Variants in LYPD6B observed in about 807,000 individuals in gnomAD.
LYPD6B encodes the protein LY6/PLAUR domain containing 6B, also known as ly6/PLAUR domain-containing protein 6B.
A neutral mutation model predicts 22.8 loss-of-function variants in LYPD6B; 17 were observed. The observed-to-expected ratio is 0.75, with a 90% CI of 0.51 to 1.12. The LOEUF is 1.12. Among genes scored for constraint, LYPD6B ranks in the 50% most tolerant of loss-of-function variants. The pLI, the probability that LYPD6B is intolerant of heterozygous loss-of-function variation, is 0.00. For synonymous variants in LYPD6B, 106 were observed against 91.6 expected, an observed-to-expected ratio of 1.16 and a Z score of -0.90; for missense variants, 221 against 258.3, an observed-to-expected ratio of 0.86 and a Z score of 0.99.
intron 2 of LYPD6B, chr2:149,160,449 A>T (rs1416466715): frequency 2.0e-6 from 1 of 489,454 alleles, no homozygotes. Context: ...GCTCTTTGGT[A>T]AGCAGCCATT....
Position 149,130,969 on chromosome 2 carries a change from A to C in LYPD6B, c.5+16A>C, listed in dbSNP as rs1376660480. 5 of 1,583,548 alleles carry C rather than the reference A, an allele frequency of 3.2e-6. No homozygotes were observed. The highest frequency in any genetic ancestry group is 4.3e-6 in the Non-Finnish European group (5 of 1,152,444). ...CATGGATGTTGTGAGTATTATATTC[A>C]CAAGTGGATGTAGAGAAGATATTTT... On this transcript the variant is annotated intron_variant, in intron 2 of 6. Transcript: ENST00000409642.
intron 1 of LYPD6B, among the ~76,000 whole-genome samples, chr2:149,060,827 A>T (rs1232416676): frequency 6.6e-6 from 1 of 152,134 alleles, no homozygotes; most frequent in Non-Finnish European, 1.5e-5. Flanking sequence ...GGTCAACATT[A>T]TGGGGCACAG....
intron 1 of LYPD6B, among the ~76,000 whole-genome samples, chr2:149,091,444 G>A (rs1248597585): frequency 6.6e-6 from 1 of 151,756 alleles, no homozygotes; most frequent in Non-Finnish European, 1.5e-5. Context: ...AGAGCCTTCA[G>A]ATCTTGCTCT....
intron 3 of LYPD6B, among the ~76,000 whole-genome samples, chr2:149,196,133 T>C (rs569592827): frequency 1.3e-5 from 2 of 152,364 alleles, no homozygotes; most frequent in Admixed American, 6.5e-5. Context: ...ATTATGCACA[T>C]ATATATCTTT....
intron 1 of LYPD6B, among the ~76,000 whole-genome samples, chr2:149,080,266 G>T (rs1230587786): frequency 2.0e-5 from 3 of 152,188 alleles, no homozygotes; most frequent in Non-Finnish European, 2.9e-5. Flanking sequence ...CTCCCTGTGT[G>T]TGTGTCTGTG....
At chr2:149,162,057 C>T (rs931974727) in intron 3 of LYPD6B, among the ~76,000 whole-genome samples, 4 of 152,224 alleles carry the variant, frequency 2.6e-5, no homozygotes, top group East Asian at 3.9e-4. Context: ...AGAGGAATGA[C>T]GGTCTAGTCA....
chr2:149,109,689 T>C (rs1428076164), intron 1 of LYPD6B, among the ~76,000 whole-genome samples: 3 of 152,114 alleles, frequency 2.0e-5, no homozygotes, highest in African/African-American at 7.2e-5. Flanking sequence ...AGTTCACTTA[T>C]GTTCCCTTTA....
intron 1 of LYPD6B, among the ~76,000 whole-genome samples, chr2:149,126,991 C>A (rs1405507660): frequency 1.4e-5 from 2 of 147,380 alleles, no homozygotes; most frequent in African/African-American, 5.0e-5. Flanking sequence ...CTATATAAAT[C>A]TGTGGTTTAA....
intron 2 of LYPD6B, among the ~76,000 whole-genome samples, chr2:149,158,969 A>T (rs1440076935): frequency 1.3e-5 from 2 of 152,206 alleles, no homozygotes; most frequent in African/African-American, 2.4e-5. Flanking sequence ...CATTTATGGG[A>T]AATAACTCAA....
chr2:149,162,514 T>G (rs146128874), intron 3 of LYPD6B, among the ~76,000 whole-genome samples: 1 of 152,292 alleles, frequency 6.6e-6, no homozygotes, highest in African/African-American at 2.4e-5. Flanking sequence ...CACCCCTGCT[T>G]GCATTCCCTT....
intron 1 of LYPD6B, among the ~76,000 whole-genome samples, chr2:149,081,625 T>G (rs902665547): frequency 1.3e-5 from 2 of 152,016 alleles, no homozygotes; most frequent in African/African-American, 2.4e-5. Flanking sequence ...GTTTAATGAG[T>G]TCTCACACAG....
At chr2:149,173,292 C>G (rs537087362) in intron 3 of LYPD6B, among the ~76,000 whole-genome samples, 39 of 146,526 alleles carry the variant, frequency 2.7e-4, no homozygotes, top group Middle Eastern at 3.8e-3. Flanking sequence ...TTATTTGAAC[C>G]ATAAGTTTAT....
At chr2:149,100,301 C>T (rs1276846022) in intron 1 of LYPD6B, among the ~76,000 whole-genome samples, 1 of 148,818 alleles carries the variant, frequency 6.7e-6, no homozygotes, top group Non-Finnish European at 1.5e-5. Context: ...CGGTTTGACA[C>T]TTTTGGTTTG....
chr2:149,152,430 A>G (rs73965808), intron 2 of LYPD6B, among the ~76,000 whole-genome samples: 2,041 of 152,286 alleles, frequency 0.013, 39 homozygotes, highest in African/African-American at 0.047. Context: ...ACCAAAAGTG[A>G]GTGTCAAGCG....
At chr2:149,206,035 T>C in intron 4 of LYPD6B, 1 of 469,066 alleles carries the variant, frequency 2.1e-6, no homozygotes, top group South Asian at 1.6e-5. Context: ...AAAACGTCTT[T>C]GATATACTTT....
chr2:149,203,838 A>T (rs1463640005), intron 3 of LYPD6B, among the ~76,000 whole-genome samples: 1 of 152,198 alleles, frequency 6.6e-6, no homozygotes, highest in East Asian at 1.9e-4. Context: ...ATTGTCTAAT[A>T]ATTTAGTTCC....
At chr2:149,124,963 A>G (rs1687606125) in intron 1 of LYPD6B, among the ~76,000 whole-genome samples, 1 of 152,206 alleles carries the variant, frequency 6.6e-6, no homozygotes, top group South Asian at 2.1e-4. Context: ...CAGGCTCAGC[A>G]ACCAGGTTAC....
At chr2:149,100,679 A>G (rs1419700298) in intron 1 of LYPD6B, among the ~76,000 whole-genome samples, 8 of 152,138 alleles carry the variant, frequency 5.3e-5, no homozygotes, top group Admixed American at 2.6e-4. Flanking sequence ...TTCAACTCCC[A>G]CTGGTCTTTA....
intron 1 of LYPD6B, among the ~76,000 whole-genome samples, chr2:149,061,815 A>C (rs554839905): frequency 3.9e-5 from 6 of 152,318 alleles, no homozygotes; most frequent in Non-Finnish European, 8.8e-5. Flanking sequence ...ATTTGAGAAT[A>C]TAAGTACATT....
Sources: allele counts gnomAD v4.1 joint callset (sites outside exome capture counted in the v4.1 genomes callset), GRCh38; gene constraint gnomAD v4.1.1; transcripts MANE v1.5; gene names NCBI Gene and HGNC (gene_info 2026-07-23, HGNC 2026-07-21).